The following QSOX1 variants were observed in gnomAD, a reference collection of about 807,000 sequenced individuals.
QSOX1 encodes quiescin sulfhydryl oxidase 1, also known as sulfhydryl oxidase 1.
A neutral mutation model predicts 76.1 loss-of-function variants in QSOX1; 40 were observed. The observed-to-expected ratio is 0.53, with a 90% CI of 0.41 to 0.68. QSOX1 has a LOEUF of 0.68. Ranked by LOEUF, QSOX1 falls within the 30% of genes least tolerant of loss-of-function variation. The pLI is 0.00. For synonymous variants in QSOX1, 392 were observed against 413.1 expected, an observed-to-expected ratio of 0.95 and a Z score of 0.62; for missense variants, 931 against 974.3, an observed-to-expected ratio of 0.96 and a Z score of 0.59.
intron 8 of QSOX1, among the ~76,000 whole-genome samples, chr1:180,186,761 G>A (rs1260065453): frequency 1.3e-5 from 2 of 152,256 alleles, no homozygotes; most frequent in Non-Finnish European, 2.9e-5. Context: ...GAGGTGGGTG[G>A]TTTATTTTGT....
chr1:180,181,787 G>A (rs552154551), intron 5 of QSOX1, among the ~76,000 whole-genome samples: 2 of 152,232 alleles, frequency 1.3e-5, no homozygotes, highest in South Asian at 4.2e-4. Context: ...GGGTGTGAAG[G>A]TCTTAAAGAC....
chr1:180,197,261 AGGGCAGCCCC>A lies in QSOX1; in HGVS notation c.*231_*240del. ...GTCCAGGTTCCCCTGCTGTGCAGGGAGGGCAGCCCCGGGCAGTGGGCATAGGGCAGCTCAG... is the reference window on the plus strand; with the variant it reads ...GTCCAGGTTCCCCTGCTGTGCAGGGAGGGCAGTGGGCATAGGGCAGCTCAG... On this transcript the variant is annotated 3_prime_UTR_variant, in exon 12 of 12. Coordinates refer to ENST00000367602, the MANE Select transcript of QSOX1 (RefSeq NM_002826.5). 2 of 1,611,174 alleles carry A rather than the reference AGGGCAGCCCC, an allele frequency of 1.2e-6. No individual in the cohort carries two copies. The highest frequency in any genetic ancestry group is 8.5e-7 in the Non-Finnish European group (1 of 1,179,098).
At chr1:180,182,720 TAGC>T (rs1663071886) in intron 6 of QSOX1, among the ~76,000 whole-genome samples, 1 of 152,134 alleles carries the variant, frequency 6.6e-6, no homozygotes. Context: ...AAAAGTTCAT[TAGC>T]AGCCAGACAA....
intron 7 of QSOX1, among the ~76,000 whole-genome samples, chr1:180,184,460 G>A (rs937884617): frequency 6.7e-6 from 1 of 150,120 alleles, no homozygotes; most frequent in African/African-American, 2.5e-5. Context: ...CAGCAGATAT[G>A]TACAGGCAGA....
rs945061863 is a variant in QSOX1, at chr1:180,199,265, C to T, written c.*2228C>T. 6.6e-6 allele frequency: 1 copy of T among 152,306 alleles called. No homozygotes were observed. Among genetic ancestry groups the T allele is most frequent in the Non-Finnish European group, 1.5e-5 (1 of 68,092 alleles). 9.4% of individuals were successfully genotyped at this position (152,306 alleles called of 1,614,324 possible). A position where few individuals can be genotyped will look rare whatever the true frequency, so the allele number is the denominator to read the frequency against. ...CTCGCCCACCAGCTGGGCCCTCCCC[C>T]ACCCAGTCTGCCAGGCTGGGAGCTG... On this transcript the variant is annotated 3_prime_UTR_variant, in exon 12 of 12. Transcript: ENST00000367602.
chr1:180,159,170 C>T (rs1662438370), intron 1 of QSOX1, among the ~76,000 whole-genome samples: 2 of 152,214 alleles, frequency 1.3e-5, no homozygotes, highest in South Asian at 4.1e-4. Flanking sequence ...CGCCACCCTT[C>T]CCCTCTCCAT....
chr1:180,196,555 T>TC lies in QSOX1; in HGVS notation c.1767dup (p.Thr590HisfsTer10). Reference sequence around the variant, plus strand: ...CCCTGGGAAGCCTGAGATGATGAAGTCCCCCACAAACACCACCCCACATGT... The same window carrying TC: ...CCCTGGGAAGCCTGAGATGATGAAGTCCCCCCACAAACACCACCCCACATGT... On this transcript the variant is annotated frameshift_variant, in exon 12 of 12. Coordinates refer to ENST00000367602, the MANE Select transcript of QSOX1 (RefSeq NM_002826.5). LOFTEE classifies it high-confidence loss of function. The surrounding 1 kb of genome is among the most constrained non-coding windows in gnomAD (Gnocchi z 4.1). The TC allele has an allele frequency of 6.2e-7, 1 of 1,614,014 alleles. No individual in the cohort carries two copies. The highest frequency in any genetic ancestry group is 8.5e-7 in the Non-Finnish European group (1 of 1,179,994).
At chr1:180,178,678 G>T in intron 4 of QSOX1, 116 bp from the exon 5 acceptor site, 1 of 872,538 alleles carries the variant, frequency 1.1e-6, no homozygotes, top group Non-Finnish European at 1.9e-6. Context: ...TGTGGAAGCG[G>T]AGGAGGGCGG....
chr1:180,195,718 C>G (rs867508930), intron 11 of QSOX1, among the ~76,000 whole-genome samples: 7 of 152,218 alleles, frequency 4.6e-5, no homozygotes, highest in Admixed American at 3.3e-4. Flanking sequence ...AGGGCTGCTG[C>G]TGGGTAAAAG....
intron 1 of QSOX1, 92 bp downstream of exon 1, chr1:180,155,264 C>A (rs1302393508): frequency 4.1e-6 from 5 of 1,209,512 alleles, no homozygotes; most frequent in Non-Finnish European, 5.4e-6. Flanking sequence ...GGAGCGCGTC[C>A]CTCTTCCAGT....
rs117092687 is a variant in QSOX1, at chr1:180,190,779, C to T, written c.1288+199C>T. ...CCACACGGCCAGAATAGAACCAATC[C>T]CAGGAGGGAGCAGACTTTAGGAATT... On this transcript the variant is annotated intron_variant, in intron 10 of 11. Coordinates refer to ENST00000367602, the MANE Select transcript of QSOX1 (RefSeq NM_002826.5). Among the ~76,000 whole-genome samples, 689 of 152,244 alleles carry T rather than the reference C, an allele frequency of 4.5e-3. 23 individuals are homozygous for T. Among genetic ancestry groups the T allele is most frequent in the Admixed American group, 0.031 (471 of 15,284 alleles).
intron 2 of QSOX1, 36 bp from the exon 3 acceptor site, chr1:180,175,285 T>C (rs749878725): frequency 1.2e-6 from 2 of 1,610,064 alleles, no homozygotes; most frequent in South Asian, 1.1e-5. Context: ...TTGGCCACTA[T>C]CTATTACTGA....
intron 5 of QSOX1, among the ~76,000 whole-genome samples, chr1:180,180,325 C>G (rs1377681504): frequency 6.6e-6 from 1 of 152,148 alleles, no homozygotes; most frequent in Non-Finnish European, 1.5e-5. Context: ...TTTCTCCTTC[C>G]TCAGCCTCCC....
Position 180,201,381 on chromosome 1 carries a change from T to G in QSOX1, c.*4344T>G, listed in dbSNP as rs1474634580. ...CCATAGGCCTCTGCAGCCCCATCAC[T>G]GCCTCATTCTCCCTCAGGTGCCAAG... On this transcript the variant is annotated 3_prime_UTR_variant, in exon 12 of 12. Transcript: ENST00000367602. 6.6e-6 allele frequency: 1 copy of G among 152,218 alleles called. No individual in the cohort carries two copies. Among genetic ancestry groups the G allele is most frequent in the East Asian group, 1.9e-4 (1 of 5,182 alleles). The allele number at this position is 152,218 out of a possible 1,614,324, so 9.4% of individuals were successfully genotyped here. A position where few individuals can be genotyped will look rare whatever the true frequency, so the allele number is the denominator to read the frequency against.
At chr1:180,165,968 C>T (rs1030857156) in intron 1 of QSOX1, among the ~76,000 whole-genome samples, 1 of 152,204 alleles carries the variant, frequency 6.6e-6, no homozygotes, top group Non-Finnish European at 1.5e-5. Flanking sequence ...GACCCAGTTC[C>T]TGATACCCTT....
At chr1:180,161,729 T>A (rs922656595) in intron 1 of QSOX1, among the ~76,000 whole-genome samples, 2 of 152,338 alleles carry the variant, frequency 1.3e-5, no homozygotes, top group Admixed American at 1.3e-4. Flanking sequence ...CGTTTCAAAT[T>A]TAAAAACCAG....
At position 180,202,129 on chromosome 1, in the gene QSOX1, G is replaced by A. The variant is rs554040957; in HGVS notation, c.*5092G>A. 2.6e-5 allele frequency: 4 copies of A among 152,414 alleles called. No individual in the cohort carries two copies. In the East Asian group the frequency reaches 7.7e-4, roughly 29 times the overall value. The allele number at this position is 152,414 out of a possible 1,614,324, so 9.4% of individuals were successfully genotyped here. A position where few individuals can be genotyped will look rare whatever the true frequency, so the allele number is the denominator to read the frequency against. On this transcript the variant is annotated 3_prime_UTR_variant, in exon 12 of 12. Coordinates refer to ENST00000367602, the MANE Select transcript of QSOX1 (RefSeq NM_002826.5). ...CAGAGGAGGAGACCTTTGCCAATGT[G>A]AGAGAACAAAGTTAAGGGGCAGTCC... is the stretch of plus-strand genomic sequence containing the variant.
Position 180,194,364 on chromosome 1 carries a change from C to G in QSOX1, c.1440C>G (p.Ser480Arg). 1.3e-6 allele frequency: 2 copies of G among 1,578,386 alleles called. No individual in the cohort carries two copies. The highest frequency in any genetic ancestry group is 1.7e-6 in the Non-Finnish European group (2 of 1,157,790). Reference protein sequence around the residue: ...PNAAVLWLWSSHNRVNARLAG... With the variant: ...PNAAVLWLWSRHNRVNARLAG... ...CCGCTGTCCTCTGGCTCTGGTCTAG[C>G]CACAACAGGGTCAATGCTCGCCTTG... The change falls in exon 11 of 12, where the codon AGC (serine) becomes AGG (arginine). Residue 480 changes from serine to arginine, a missense_variant. Ser to Arg is a moderately radical substitution (Grantham distance 110). Transcript: ENST00000367602.
chr1:180,190,299 A>G, intron 9 of QSOX1, 134 bp from the exon 10 acceptor site: 1 of 1,036,706 alleles, frequency 9.6e-7, no homozygotes, highest in Non-Finnish European at 1.4e-6. Flanking sequence ...AACTGGTGAA[A>G]GGGAAATGCC....
Sources: allele counts gnomAD v4.1 joint callset (sites outside exome capture counted in the v4.1 genomes callset), GRCh38; gene constraint gnomAD v4.1.1; non-coding constraint Gnocchi (gnomAD v3.1); transcripts MANE v1.5; gene names NCBI Gene and HGNC (gene_info 2026-07-23, HGNC 2026-07-21).